Variants in GALNT13 observed in about 807,000 individuals in gnomAD.
GALNT13 encodes the protein polypeptide N-acetylgalactosaminyltransferase 13.
A neutral mutation model predicts 64.2 loss-of-function variants in GALNT13; 28 were observed. The observed-to-expected ratio is 0.44, with a 90% CI of 0.32 to 0.60. The LOEUF is 0.60. Among genes scored for constraint, GALNT13 ranks in the 20% least tolerant of loss-of-function variants. GALNT13 has a pLI of 0.05. For missense variants in GALNT13, 577 were observed against 669.8 expected, an observed-to-expected ratio of 0.86 and a Z score of 1.53; for synonymous variants, 214 against 224.6, an observed-to-expected ratio of 0.95 and a Z score of 0.42.
the GALNT13 span, among the ~76,000 whole-genome samples, chr2:153,455,533 A>T: frequency 6.6e-6 from 1 of 152,130 alleles, no homozygotes; most frequent in African/African-American, 2.4e-5. Flanking sequence ...TCCACCCTTC[A>T]TGGGAGGGAG....
At chr2:153,868,537 C>A (rs1353176723), upstream of GALNT13, among the ~76,000 whole-genome samples, 4 of 152,208 alleles carry the variant, frequency 2.6e-5, no homozygotes, top group Non-Finnish European at 4.4e-5. Flanking sequence ...TTATATAATA[C>A]ATTTTCCTTT....
At chr2:153,997,715 A>G (rs549567200) in intron 3 of GALNT13, among the ~76,000 whole-genome samples, 2 of 152,108 alleles carry the variant, frequency 1.3e-5, no homozygotes, top group Non-Finnish European at 2.9e-5. Context: ...ACATAGGTAT[A>G]CATGTACCAT....
rs572167272 is a variant in GALNT13 at position 154,054,711 on chromosome 2, C to T, written c.143-85626C>T. ...GGTACTTCATAATTTTGGTTCATAA[C>T]ATCCCTTAAGGAATTCATTCTAGTG... On this transcript the variant is annotated intron_variant, in intron 3 of 12. Coordinates refer to ENST00000392825, the MANE Select transcript of GALNT13 (RefSeq NM_052917.4). 3.9e-5 allele frequency among the ~76,000 whole-genome samples: 6 copies of T among 152,026 alleles called. No homozygotes were observed. The South Asian group carries it at 1.0e-3, about 26-fold the overall frequency.
the GALNT13 span, among the ~76,000 whole-genome samples, chr2:153,530,450 A>T: frequency 5.3e-5 from 8 of 152,288 alleles, no homozygotes; most frequent in East Asian, 7.7e-4. Context: ...TACTCCCCAA[A>T]GCAATCTACA....
At chr2:153,935,670 C>T (rs1426697127) in intron 2 of GALNT13, among the ~76,000 whole-genome samples, 1 of 152,196 alleles carries the variant, frequency 6.6e-6, no homozygotes, top group Admixed American at 6.5e-5. Flanking sequence ...ATGAGTTTTT[C>T]TGTTTCATAG....
the GALNT13 span, among the ~76,000 whole-genome samples, chr2:153,500,237 A>G: frequency 2.0e-5 from 3 of 152,154 alleles, no homozygotes; most frequent in Non-Finnish European, 4.4e-5. Context: ...GCCATCATCC[A>G]TGGTTCCATT....
chr2:153,304,909 A>G, the GALNT13 span, among the ~76,000 whole-genome samples: 2 of 152,106 alleles, frequency 1.3e-5, no homozygotes, highest in Non-Finnish European at 2.9e-5. Context: ...CATTAGAGGG[A>G]TTGTGGAGAA....
the GALNT13 span, among the ~76,000 whole-genome samples, chr2:153,276,156 T>C: frequency 6.6e-6 from 1 of 152,172 alleles, no homozygotes; most frequent in Non-Finnish European, 1.5e-5. Context: ...ATGTATTATA[T>C]AAAACATGGT....
the GALNT13 span, among the ~76,000 whole-genome samples, chr2:153,707,750 G>A: frequency 5.3e-5 from 8 of 152,128 alleles, no homozygotes; most frequent in African/African-American, 1.7e-4. Flanking sequence ...ATTCAGACTT[G>A]AGAGGGGAAC....
At chr2:153,723,648 T>C in the GALNT13 span, among the ~76,000 whole-genome samples, 3 of 152,128 alleles carry the variant, frequency 2.0e-5, no homozygotes, top group African/African-American at 4.8e-5. Context: ...CAAGCATTCC[T>C]ATACACCAAC....
intron 2 of GALNT13, among the ~76,000 whole-genome samples, chr2:153,925,449 A>C (rs1298207633): frequency 6.8e-6 from 1 of 147,744 alleles, no homozygotes; most frequent in African/African-American, 2.5e-5. Flanking sequence ...TGTTTTGGTT[A>C]CTTTAGCTGT....
chr2:154,200,320 TGATTAAGGGG>T lies in GALNT13; in HGVS notation c.312-41709_312-41700del, dbSNP rs1269565998. The stretch of plus-strand genomic sequence containing the variant: ...TGCATTAACTATGGAGATGGGGTGG[TGATTAAGGGG>T]AATATCCCACCAAAGATATGAACTG... On this transcript the variant is annotated intron_variant, in intron 4 of 12. Transcript: ENST00000392825. Among the ~76,000 whole-genome samples, 1,029 of 152,022 alleles carry T rather than the reference TGATTAAGGGG, an allele frequency of 6.8e-3. 8 individuals are homozygous for T. Among genetic ancestry groups the T allele is most frequent in the African/African-American group, 0.024 (995 of 41,468 alleles).
the GALNT13 span, among the ~76,000 whole-genome samples, chr2:153,220,708 C>T: frequency 1.2e-4 from 18 of 152,154 alleles, no homozygotes; most frequent in African/African-American, 1.7e-4. Context: ...AAAGCTTTTT[C>T]ATAAACTCCC....
chr2:154,417,521 A>ATTTATTT (rs1553529811), intron 11 of GALNT13, among the ~76,000 whole-genome samples: 2 of 139,052 alleles, frequency 1.4e-5, no homozygotes, highest in Non-Finnish European at 3.1e-5. Context: ...TTATTTATTT[A>ATTTATTT]TTTTTTTGAG....
chr2:153,260,142 A>G, the GALNT13 span, among the ~76,000 whole-genome samples: 1 of 152,084 alleles, frequency 6.6e-6, no homozygotes, highest in South Asian at 2.1e-4. Flanking sequence ...TGTCACTTCT[A>G]TTTATATCCT....
chr2:153,777,057 T>C, the GALNT13 span, among the ~76,000 whole-genome samples: 1 of 152,176 alleles, frequency 6.6e-6, no homozygotes, highest in Non-Finnish European at 1.5e-5. Context: ...TGTTTTGTTT[T>C]GTTTTAAATT....
At chr2:153,498,493 C>T in the GALNT13 span, among the ~76,000 whole-genome samples, 1 of 152,238 alleles carries the variant, frequency 6.6e-6, no homozygotes. Flanking sequence ...TTTGCACAGC[C>T]AGGCATGCTG....
chr2:153,268,661 C>T, the GALNT13 span, among the ~76,000 whole-genome samples: 1 of 152,366 alleles, frequency 6.6e-6, no homozygotes, highest in South Asian at 2.1e-4. Flanking sequence ...GGTACAGGTT[C>T]TCTATGAGGG....
intron 9 of GALNT13, among the ~76,000 whole-genome samples, chr2:154,320,198 G>A (rs1019660649): frequency 1.3e-5 from 2 of 152,040 alleles, no homozygotes; most frequent in Non-Finnish European, 2.9e-5. Context: ...ATCCTTTAAA[G>A]TTAAAGTTAA....
Sources: allele counts gnomAD v4.1 joint callset (sites outside exome capture counted in the v4.1 genomes callset), GRCh38; gene constraint gnomAD v4.1.1; transcripts MANE v1.5; gene names NCBI Gene and HGNC (gene_info 2026-07-23, HGNC 2026-07-21).